The following SMAD7 variants were observed in gnomAD, a reference collection of about 807,000 sequenced individuals.
SMAD7 encodes SMAD family member 7.
In SMAD7, 8 loss-of-function variants were observed where a neutral mutation model predicts 38.7. The ratio of observed to expected loss-of-function variants is 0.21; its 90% CI spans 0.12 to 0.37. The LOEUF (loss-of-function observed/expected upper bound fraction) is 0.37, where lower values mean the gene tolerates loss of function less well. Ranked by LOEUF, SMAD7 falls within the 10% of genes least tolerant of loss-of-function variation. SMAD7 has a pLI of 1.00. For synonymous variants in SMAD7, 327 were observed against 265.1 expected, an observed-to-expected ratio of 1.23 and a Z score of -2.27; for missense variants, 477 against 577.9, an observed-to-expected ratio of 0.83 and a Z score of 1.79.
chr18:48,947,346 G>A (rs1024669028), intron 2 of SMAD7, among the ~76,000 whole-genome samples: 1 of 152,166 alleles, frequency 6.6e-6, no homozygotes, highest in Non-Finnish European at 1.5e-5. Flanking sequence ...CAACGCCCCA[G>A]CAAAACTTTT....
At chr18:48,949,716 C>G in intron 1 of SMAD7, 96 bp downstream of exon 1, 1 of 1,376,100 alleles carries the variant, frequency 7.3e-7, no homozygotes, top group Non-Finnish European at 9.8e-7. Flanking sequence ...GCACACTCCC[C>G]CTGGAGGGAT....
intron 2 of SMAD7, 51 bp downstream of exon 2, chr18:48,948,333 C>A: frequency 7.5e-7 from 1 of 1,324,856 alleles, no homozygotes; most frequent in Admixed American, 2.0e-5. Context: ...GTTCTAGAGG[C>A]TCTATTTCTA....
intron 2 of SMAD7, among the ~76,000 whole-genome samples, chr18:48,945,789 A>G (rs2070188553): frequency 1.3e-5 from 2 of 152,076 alleles, no homozygotes; most frequent in African/African-American, 2.4e-5. Context: ...CTTTCAGACC[A>G]TCAGATACAA....
Position 48,940,623 on chromosome 18 carries a change from A to ACG in SMAD7, c.742+1857_742+1858insCG, listed in dbSNP as rs2070127124. ...AAAAATTAGCTGGGCACAGTGGTGG[A>ACG]TGCCTGTAATCCCAGCTACTTGGGA... On this transcript the variant is annotated intron_variant, in intron 3 of 3. Transcript: ENST00000262158. Among the ~76,000 whole-genome samples the ACG allele has an allele frequency of 6.6e-5, 10 of 152,202 alleles. No individual in the cohort carries two copies. The South Asian group carries it at 2.1e-3, about 32-fold the overall frequency.
intron 3 of SMAD7, among the ~76,000 whole-genome samples, chr18:48,937,988 G>A (rs2070090983): frequency 6.6e-6 from 1 of 152,162 alleles, no homozygotes; most frequent in South Asian, 2.1e-4. Context: ...AGAGCAACAG[G>A]CGCCCAGGCC....
rs777735015 is a variant in SMAD7, at chr18:48,950,432, G to A, written c.-8C>T. The A allele has an allele frequency of 1.3e-6, 2 of 1,544,588 alleles. No homozygotes were observed. The highest frequency in any genetic ancestry group is 1.9e-5 in the Admixed American group (1 of 51,712). On this transcript the variant is annotated 5_prime_UTR_variant, in exon 1 of 4. Coordinates refer to ENST00000262158, the MANE Select transcript of SMAD7 (RefSeq NM_005904.4). ...TCGTTTGGTCCTGAACATGCGGGGCGAGGAGGCGAGGAGAAAAGTCGTTTG... is the reference window on the plus strand; with the variant it reads ...TCGTTTGGTCCTGAACATGCGGGGCAAGGAGGCGAGGAGAAAAGTCGTTTG...
At chr18:48,933,489 C>A (rs1034080921) in intron 3 of SMAD7, 1 of 152,380 alleles carries the variant, frequency 6.6e-6, no homozygotes, top group African/African-American at 2.4e-5. Flanking sequence ...GGTGTCAATA[C>A]ATATTTGCTC....
At chr18:48,935,798 G>T (rs550686068) in intron 3 of SMAD7, among the ~76,000 whole-genome samples, 1 of 152,292 alleles carries the variant, frequency 6.6e-6, no homozygotes, top group African/African-American at 2.4e-5. Flanking sequence ...ACAGCAGAAG[G>T]CCAGGCGTGG....
intron 3 of SMAD7, among the ~76,000 whole-genome samples, chr18:48,929,569 T>TCTCTCTCTCTCACA (rs3082710): frequency 1.7e-5 from 2 of 114,558 alleles, no homozygotes; most frequent in African/African-American, 6.9e-5. Context: ...TCTCTCTCTC[T>TCTCTCTCTCTCACA]CACTCACACA....
At chr18:48,930,613 G>A (rs1359349736) in intron 3 of SMAD7, among the ~76,000 whole-genome samples, 2 of 152,012 alleles carry the variant, frequency 1.3e-5, no homozygotes, top group Admixed American at 6.5e-5. Context: ...CACCGCGCAG[G>A]GACAGACTGT....
At chr18:48,942,698 T>G (rs775954040) in intron 2 of SMAD7, 143 bp from the exon 3 acceptor site, 1 of 1,538,018 alleles carries the variant, frequency 6.5e-7, no homozygotes, top group South Asian at 1.2e-5. Context: ...TGATTATTAA[T>G]GGTCTGCTCA....
intron 3 of SMAD7, among the ~76,000 whole-genome samples, chr18:48,929,548 CTT>C (rs1491266269): frequency 3.3e-3 from 401 of 121,554 alleles, no homozygotes; most frequent in Non-Finnish European, 5.3e-3. Context: ...CTCTTTCTCT[CTT>C]TCTCTCTCTC....
At position 48,920,154 on chromosome 18, in the gene SMAD7, A is replaced by G. The variant is rs1417968493; in HGVS notation, c.*1218T>C. 6.6e-6 allele frequency: 1 copy of G among 152,278 alleles called. No individual in the cohort carries two copies. Among genetic ancestry groups the G allele is most frequent in the African/African-American group, 2.4e-5 (1 of 41,382 alleles). 9.4% of individuals were successfully genotyped at this position (152,278 alleles called of 1,614,324 possible). A position where few individuals can be genotyped will look rare whatever the true frequency, so the allele number is the denominator to read the frequency against. On this transcript the variant is annotated 3_prime_UTR_variant, in exon 4 of 4. Transcript: ENST00000262158. ...TTTAATAAATCTCAGGTTTTTTTTCAGGAGTCCTTTCTCTCTCAAAGCACT... is the reference window on the plus strand; with the variant it reads ...TTTAATAAATCTCAGGTTTTTTTTCGGGAGTCCTTTCTCTCTCAAAGCACT...
At chr18:48,935,218 T>C (rs1019183353) in intron 3 of SMAD7, among the ~76,000 whole-genome samples, 1 of 151,672 alleles carries the variant, frequency 6.6e-6, no homozygotes, top group African/African-American at 2.4e-5. Context: ...TTAGGTAGAG[T>C]GGCCGGGATC....
intron 3 of SMAD7, among the ~76,000 whole-genome samples, chr18:48,931,222 G>C (rs2069996272): frequency 6.6e-6 from 1 of 152,182 alleles, no homozygotes; most frequent in Admixed American, 6.5e-5. Context: ...AGATGAAAAA[G>C]TTCTGGATGT....
chr18:48,939,854 CTG>C (rs1449077622), intron 3 of SMAD7, among the ~76,000 whole-genome samples: 1 of 147,048 alleles, frequency 6.8e-6, no homozygotes, highest in African/African-American at 2.5e-5. Context: ...ACCTCAGTGT[CTG>C]CTATGCCCCT....
intron 3 of SMAD7, among the ~76,000 whole-genome samples, chr18:48,935,452 C>A (rs567192236): frequency 2.6e-5 from 4 of 152,224 alleles, no homozygotes; most frequent in African/African-American, 9.6e-5. Flanking sequence ...GAGGCTCCCG[C>A]AAAGGGAGGG....
chr18:48,943,036 T>G lies in SMAD7; in HGVS notation c.668-481A>C, dbSNP rs80303131. On this transcript the variant is annotated intron_variant, in intron 2 of 3. Transcript: ENST00000262158. ...AAGATTGATGTTGGGCTGCCGGGAC[T>G]TCTTTCCCCTTTTTTAATTGAGGAC... Among the ~76,000 whole-genome samples, 690 of 152,354 alleles carry G rather than the reference T, an allele frequency of 4.5e-3. 5 individuals are homozygous for G. The highest frequency in any genetic ancestry group is 0.016 in the African/African-American group (645 of 41,594).
intron 3 of SMAD7, among the ~76,000 whole-genome samples, chr18:48,922,989 C>T (rs888463237): frequency 7.9e-5 from 12 of 152,194 alleles, no homozygotes; most frequent in African/African-American, 2.9e-4. Context: ...CGGCGGCGGG[C>T]ATTCTGACTC....
Sources: gnomAD v4.1 joint callset for allele counts (sites outside exome capture counted in the v4.1 genomes callset) on GRCh38, gnomAD v4.1.1 for gene constraint, MANE v1.5 for transcripts, NCBI Gene and HGNC (gene_info 2026-07-23, HGNC 2026-07-21) for gene names.